GRM8: variants seen among roughly 807,000 people sequenced by gnomAD.
The protein encoded by GRM8 is metabotropic glutamate receptor 8.
Under a neutral mutation model 87.2 loss-of-function variants are expected in GRM8, and 47 were observed. That is an observed-to-expected ratio of 0.54 (90% CI 0.43 to 0.69). GRM8 has a LOEUF of 0.69. Ranked by LOEUF, GRM8 falls within the 30% of genes least tolerant of loss-of-function variation. The probability of loss-of-function intolerance (pLI) is 0.00; values close to 1 mark genes in which losing one functional copy is unlikely to be tolerated. For missense variants in GRM8, 1,019 were observed against 1,139.2 expected (o/e 0.89, Z 1.52); for synonymous variants, 396 against 404.5 (o/e 0.98, Z 0.25).
At chr7:127,221,568 C>T (rs1409836632) in intron 2 of GRM8, among the ~76,000 whole-genome samples, 1 of 152,216 alleles carries the variant, frequency 6.6e-6, no homozygotes, top group African/African-American at 2.4e-5. Context: ...ATGATTGATG[C>T]TTCAGAGCAT....
At chr7:126,660,418 T>C (rs1805026542) in intron 7 of GRM8, among the ~76,000 whole-genome samples, 1 of 152,216 alleles carries the variant, frequency 6.6e-6, no homozygotes. Flanking sequence ...CTCCCTAATA[T>C]CTACGAACAT....
chr7:127,030,499 A>C (rs1037788802), intron 3 of GRM8, among the ~76,000 whole-genome samples: 3 of 152,130 alleles, frequency 2.0e-5, no homozygotes, highest in African/African-American at 7.2e-5. Flanking sequence ...TAACGGGGGA[A>C]TACCGTTGAT....
intron 3 of GRM8, among the ~76,000 whole-genome samples, chr7:127,028,673 G>A (rs1443266208): frequency 6.6e-6 from 1 of 152,084 alleles, no homozygotes; most frequent in Non-Finnish European, 1.5e-5. Context: ...TGGGATTGGT[G>A]GTGATATCCC....
chr7:127,182,433 T>G (rs1007274588), intron 2 of GRM8, among the ~76,000 whole-genome samples: 14 of 152,182 alleles, frequency 9.2e-5, no homozygotes, highest in Middle Eastern at 6.8e-3. Flanking sequence ...GAAAATAGTG[T>G]GGAGATTCCT....
At chr7:126,888,338 G>T (rs1371607109) in intron 6 of GRM8, among the ~76,000 whole-genome samples, 1 of 152,080 alleles carries the variant, frequency 6.6e-6, no homozygotes, top group Non-Finnish European at 1.5e-5. Context: ...CCTATTTAGA[G>T]TCAATGAGAA....
intron 9 of GRM8, among the ~76,000 whole-genome samples, chr7:126,488,370 G>A (rs1038635508): frequency 2.0e-5 from 3 of 151,926 alleles, no homozygotes; most frequent in South Asian, 2.1e-4. Flanking sequence ...AGGGTTCATC[G>A]TTCTTCACAG....
chr7:127,118,342 A>G (rs1304286596), intron 2 of GRM8: 1 of 152,186 alleles, frequency 6.6e-6, no homozygotes, highest in Admixed American at 6.5e-5. Flanking sequence ...TCCACTACAT[A>G]CTACAGAATG....
At chr7:126,623,149 T>G (rs1800343374) in intron 7 of GRM8, among the ~76,000 whole-genome samples, 1 of 150,144 alleles carries the variant, frequency 6.7e-6, no homozygotes, top group Non-Finnish European at 1.5e-5. Flanking sequence ...TAATGATGTA[T>G]CATACTGATC....
chr7:126,715,202 T>A (rs1811589745), intron 7 of GRM8, among the ~76,000 whole-genome samples: 1 of 152,218 alleles, frequency 6.6e-6, no homozygotes, highest in Non-Finnish European at 1.5e-5. Flanking sequence ...TCACTTTTTA[T>A]TGCTATACAC....
intron 3 of GRM8, among the ~76,000 whole-genome samples, chr7:127,011,022 T>C (rs1021211656): frequency 1.3e-5 from 2 of 152,144 alleles, no homozygotes; most frequent in Non-Finnish European, 2.9e-5. Context: ...TACTTATTAT[T>C]GTCCTTGAGT....
chr7:126,444,643 T>A (rs1263100703), intron 10 of GRM8, among the ~76,000 whole-genome samples: 1 of 152,086 alleles, frequency 6.6e-6, no homozygotes, highest in Admixed American at 6.6e-5. Flanking sequence ...CTGTGTATGG[T>A]AAATTAGAGT....
intron 7 of GRM8, among the ~76,000 whole-genome samples, chr7:126,650,634 A>G (rs574829979): frequency 3.3e-4 from 50 of 152,214 alleles, no homozygotes; most frequent in African/African-American, 1.1e-3. Context: ...AAAATTGGCA[A>G]CAAAGAAATT....
chr7:127,136,866 A>C (rs1050267093), intron 2 of GRM8, among the ~76,000 whole-genome samples: 1 of 151,918 alleles, frequency 6.6e-6, no homozygotes, highest in African/African-American at 2.4e-5. Context: ...TCTCTTTTTA[A>C]ATATTCCACT....
intron 9 of GRM8, among the ~76,000 whole-genome samples, chr7:126,484,735 G>A (rs902228541): frequency 9.9e-5 from 15 of 151,732 alleles, no homozygotes; most frequent in African/African-American, 3.4e-4. Context: ...CCTCTTCCAC[G>A]GAAATCAAAT....
intron 9 of GRM8, among the ~76,000 whole-genome samples, chr7:126,508,542 C>T (rs1810848345): frequency 6.6e-6 from 1 of 152,032 alleles, no homozygotes; most frequent in East Asian, 1.9e-4. Context: ...AGGTGACAAA[C>T]ATTCCAACCA....
At chr7:126,781,620 C>A (rs1461922346) in intron 6 of GRM8, among the ~76,000 whole-genome samples, 4 of 152,132 alleles carry the variant, frequency 2.6e-5, no homozygotes, top group Non-Finnish European at 4.4e-5. Context: ...AGTATTATCA[C>A]GGGAACACAT....
intron 2 of GRM8, among the ~76,000 whole-genome samples, chr7:127,180,813 T>C (rs1214060201): frequency 1.3e-5 from 2 of 152,204 alleles, no homozygotes; most frequent in Non-Finnish European, 2.9e-5. Flanking sequence ...ATTAAAACTC[T>C]CAGCAAAATT....
intron 3 of GRM8, among the ~76,000 whole-genome samples, chr7:127,072,936 T>A (rs192470833): frequency 6.6e-6 from 1 of 152,046 alleles, no homozygotes; most frequent in African/African-American, 2.4e-5. Context: ...CACCTCTCTT[T>A]CTTTTTTTTT....
At chr7:127,015,097 G>GAGAAGA (rs1193348834) in intron 3 of GRM8, among the ~76,000 whole-genome samples, 1 of 123,152 alleles carries the variant, frequency 8.1e-6, no homozygotes, top group Non-Finnish European at 1.8e-5. Context: ...GGAGAAGAAG[G>GAGAAGA]AGAAGGAGAA....
Sources: allele counts gnomAD v4.1 joint callset (sites outside exome capture counted in the v4.1 genomes callset), GRCh38; gene constraint gnomAD v4.1.1; transcripts MANE v1.5; gene names NCBI Gene and HGNC (gene_info 2026-07-23, HGNC 2026-07-21).